The following SMPD4 variants were observed in gnomAD, a reference collection of about 807,000 sequenced individuals.
SMPD4 encodes the protein sphingomyelin phosphodiesterase 4.
Under a neutral mutation model 97.8 loss-of-function variants are expected in SMPD4, and 58 were observed. The observed-to-expected ratio is 0.59, with a 90% CI of 0.48 to 0.74. The LOEUF (loss-of-function observed/expected upper bound fraction) is 0.74, where lower values mean the gene tolerates loss of function less well. Among genes scored for constraint, SMPD4 ranks in the 30% least tolerant of loss-of-function variants. The pLI is 0.00. For missense variants in SMPD4, 853 were observed against 1,080.5 expected (o/e 0.79, Z 2.95); for synonymous variants, 388 against 450.0 (o/e 0.86, Z 1.74).
At chr2:130,171,483 C>G (rs2104893540) in intron 8 of SMPD4, among the ~76,000 whole-genome samples, 1 of 152,294 alleles carries the variant, frequency 6.6e-6, no homozygotes, top group East Asian at 1.9e-4. Flanking sequence ...TCAAAAACTG[C>G]TTGGCAGCTG....
intron 4 of SMPD4, 52 bp from the exon 5 acceptor site, chr2:130,173,406 T>G: frequency 6.2e-7 from 1 of 1,603,458 alleles, no homozygotes; most frequent in East Asian, 2.2e-5. Context: ...GAACTGCGAA[T>G]TATCTTGCTT....
intron 13 of SMPD4, 160 bp from the exon 14 acceptor site, chr2:130,156,295 C>T (rs1686794234): frequency 1.4e-6 from 1 of 718,540 alleles, no homozygotes; most frequent in Non-Finnish European, 2.3e-6. Context: ...TTGGCTCTTG[C>T]TGGCCCTCCA....
chr2:130,161,769 A>C (rs1048552184), intron 10 of SMPD4, among the ~76,000 whole-genome samples: 2 of 152,190 alleles, frequency 1.3e-5, no homozygotes, highest in Non-Finnish European at 2.9e-5. Context: ...AGACCTCAAG[A>C]TCCTGAGGCT....
rs138873524 is a variant in SMPD4 at position 130,167,488 on chromosome 2, G to A, written c.762C>T (p.His254=). 28 of 1,613,644 alleles carry A rather than the reference G, an allele frequency of 1.7e-5. No individual in the cohort carries two copies. In the African/African-American group the frequency reaches 1.9e-4, roughly 11 times the overall value. ...QTSVNADPAS[H]EIWRSETLLQ... ...GCAGAGTTTCTGACCTCCAGATCTC[G>A]TGGGAGGCGGGGTCTGCATTCACAG... Residue 254 remains histidine, a synonymous_variant, in exon 9 of 20, where the codon CAC becomes CAT. Transcript: ENST00000680298.
At chr2:130,168,045 T>C (rs188496646) in intron 8 of SMPD4, among the ~76,000 whole-genome samples, 47 of 152,162 alleles carry the variant, frequency 3.1e-4, no homozygotes, top group African/African-American at 1.1e-3. Context: ...CACAAAAACA[T>C]TGAAACATAA....
intron 11 of SMPD4, among the ~76,000 whole-genome samples, chr2:130,159,064 G>A (rs988662547): frequency 2.6e-5 from 4 of 151,992 alleles, no homozygotes; most frequent in Non-Finnish European, 5.9e-5. Context: ...TCGTGGTCTC[G>A]GCTCACTGCA....
intron 11 of SMPD4, among the ~76,000 whole-genome samples, chr2:130,160,275 C>G (rs1295046085): frequency 6.6e-6 from 1 of 152,218 alleles, no homozygotes; most frequent in Non-Finnish European, 1.5e-5. Context: ...AATGAGGTGC[C>G]CCTGTGTGCT....
chr2:130,164,236 G>A (rs1687701004), intron 10 of SMPD4, 138 bp downstream of exon 10: 1 of 735,624 alleles, frequency 1.4e-6, no homozygotes, highest in Middle Eastern at 2.5e-4. Flanking sequence ...CTTCTTATTT[G>A]GCTTCTGAGT....
In SMPD4 at chr2:130,153,182, AG is replaced by A; in HGVS notation, c.2026-12del. 1 of 1,613,724 alleles carries A rather than the reference AG, an allele frequency of 6.2e-7. No individual in the cohort carries two copies. Among genetic ancestry groups the A allele is most frequent in the Non-Finnish European group, 8.5e-7 (1 of 1,179,996 alleles). ...CAGCCCATTGATGATCTAGAAAGCC[AG>A]GCCATGGGGATGGGTCAGAAAACAC... On this transcript the variant is annotated splice_polypyrimidine_tract_variant and intron_variant, in intron 18 of 19. Coordinates refer to ENST00000680298, the MANE Select transcript of SMPD4 (RefSeq NM_017951.5).
intron 8 of SMPD4, among the ~76,000 whole-genome samples, chr2:130,171,727 C>T (rs764942773): frequency 3.3e-5 from 5 of 152,188 alleles, no homozygotes; most frequent in Non-Finnish European, 7.3e-5. Flanking sequence ...CAGGAAGGGG[C>T]CTGCATGCAG....
At chr2:130,181,042 CA>C (rs1199533221) in intron 1 of SMPD4, among the ~76,000 whole-genome samples, 4 of 152,178 alleles carry the variant, frequency 2.6e-5, no homozygotes, top group African/African-American at 2.4e-5. Context: ...CTAATCATTC[CA>C]AGCAAATTCT....
At chr2:130,181,312 G>A (rs1689593382) in intron 1 of SMPD4, 13 of 1,425,380 alleles carry the variant, frequency 9.1e-6, no homozygotes, top group Non-Finnish European at 1.1e-5. Flanking sequence ...GGGACAGAGT[G>A]TACGAGCCGC....
chr2:130,159,238 G>A (rs375243062), intron 11 of SMPD4, among the ~76,000 whole-genome samples: 5 of 151,868 alleles, frequency 3.3e-5, no homozygotes, highest in Admixed American at 1.3e-4. Context: ...CAGGCAATCC[G>A]CCTGCCTCAA....
intron 1 of SMPD4, among the ~76,000 whole-genome samples, chr2:130,177,329 G>A (rs369955219): frequency 3.9e-5 from 6 of 152,062 alleles, no homozygotes; most frequent in Admixed American, 2.0e-4. Context: ...CGAACTATCC[G>A]CCTCAGCCTC....
intron 11 of SMPD4, chr2:130,157,663 A>C: frequency 1.7e-6 from 1 of 600,386 alleles, no homozygotes; most frequent in Non-Finnish European, 2.8e-6. Flanking sequence ...AGGCCTCACT[A>C]AGACAGACAC....
rs1209488473 is a variant in SMPD4, at chr2:130,161,349, A to G, written c.865-77T>C. Reference sequence around the variant, plus strand: ...GAGAATGGGGTGGGGAAGGGGAGAGATAGGACCAGACACGGGAGGGGGAAG... The same window carrying G: ...GAGAATGGGGTGGGGAAGGGGAGAGGTAGGACCAGACACGGGAGGGGGAAG... On this transcript the variant is annotated intron_variant, in intron 10 of 19. Transcript: ENST00000680298. 2.2e-5 allele frequency: 26 copies of G among 1,183,508 alleles called. No homozygotes were observed. In the South Asian group the frequency reaches 2.3e-4, roughly 11 times the overall value. 73.3% of individuals were successfully genotyped at this position (1,183,508 alleles called of 1,614,324 possible). A position where few individuals can be genotyped will look rare whatever the true frequency, so the allele number is the denominator to read the frequency against.
intron 9 of SMPD4, among the ~76,000 whole-genome samples, chr2:130,165,422 G>T (rs1356227303): frequency 2.4e-5 from 3 of 127,626 alleles, no homozygotes; most frequent in Admixed American, 1.7e-4. Flanking sequence ...ACAAAACTCG[G>T]TCTCAAAAAA....
Position 130,156,150 on chromosome 2 carries a change from T to C in SMPD4, c.1189-15A>G, listed in dbSNP as rs1421625890. On this transcript the variant is annotated splice_polypyrimidine_tract_variant and intron_variant, in intron 13 of 19. Coordinates refer to ENST00000680298, the MANE Select transcript of SMPD4 (RefSeq NM_017951.5). Reference sequence around the variant, plus strand: ...ATCTCCAGGACCTGTGGGGGAGGTGTGTGCTAAGGGCTCCGTGGCTGGGGG... The same window carrying C: ...ATCTCCAGGACCTGTGGGGGAGGTGCGTGCTAAGGGCTCCGTGGCTGGGGG... 29 of 1,595,884 alleles carry C rather than the reference T, an allele frequency of 1.8e-5. No individual in the cohort carries two copies. The highest frequency in any genetic ancestry group is 5.1e-6 in the Non-Finnish European group (6 of 1,167,742).
At chr2:130,166,902 T>C (rs906875463) in intron 9 of SMPD4, among the ~76,000 whole-genome samples, 2 of 152,224 alleles carry the variant, frequency 1.3e-5, no homozygotes, top group African/African-American at 4.8e-5. Context: ...GCAACAATTA[T>C]ATCACCACAG....
Sources: gnomAD v4.1 joint callset for allele counts (sites outside exome capture counted in the v4.1 genomes callset) on GRCh38, gnomAD v4.1.1 for gene constraint, MANE v1.5 for transcripts, NCBI Gene and HGNC (gene_info 2026-07-23, HGNC 2026-07-21) for gene names.